Variants in ZHX2 observed in about 807,000 individuals in gnomAD.
The protein encoded by ZHX2 is zinc fingers and homeoboxes protein 2.
Under a neutral mutation model 21.9 loss-of-function variants are expected in ZHX2, and 6 were observed. The observed-to-expected ratio is 0.27, with a 90% CI of 0.15 to 0.54. The LOEUF (loss-of-function observed/expected upper bound fraction) is 0.54, where lower values mean the gene tolerates loss of function less well. Among genes scored for constraint, ZHX2 ranks in the 20% least tolerant of loss-of-function variants. ZHX2 has a pLI of 0.95. For synonymous variants in ZHX2, 434 were observed against 437.1 expected (o/e 0.99, Z 0.09); for missense variants, 908 against 1,090.7 (o/e 0.83, Z 2.36).
chr8:122,805,633 A>G (rs1817807258), intron 1 of ZHX2, among the ~76,000 whole-genome samples: 1 of 151,916 alleles, frequency 6.6e-6, no homozygotes, highest in Non-Finnish European at 1.5e-5. Context: ...TAAAAGTTCA[A>G]AATGAAACAT....
At position 122,819,982 on chromosome 8, in the gene ZHX2, G is replaced by A. The variant is rs530920017; in HGVS notation, c.-283+38036G>A. On this transcript the variant is annotated intron_variant, in intron 1 of 3. Transcript: ENST00000314393. Reference sequence around the variant, plus strand: ...CCCTCCCATCTGCCTAGCTAAAGGCGTCCATAAATCCAGCTTTCAGAGCTC... The same window carrying A: ...CCCTCCCATCTGCCTAGCTAAAGGCATCCATAAATCCAGCTTTCAGAGCTC... Among the ~76,000 whole-genome samples, 35 of 151,954 alleles carry A rather than the reference G, an allele frequency of 2.3e-4. No individual in the cohort carries two copies. In the South Asian group the frequency reaches 4.2e-3, roughly 18 times the overall value.
At chr8:122,949,703 A>G (rs190346172) in intron 2 of ZHX2, among the ~76,000 whole-genome samples, 2 of 152,180 alleles carry the variant, frequency 1.3e-5, no homozygotes, top group Non-Finnish European at 2.9e-5. Flanking sequence ...TGTCTCTACT[A>G]AAAATAAAAA....
At chr8:122,869,789 T>C (rs1325972552) in intron 2 of ZHX2, among the ~76,000 whole-genome samples, 2 of 152,234 alleles carry the variant, frequency 1.3e-5, no homozygotes, top group African/African-American at 2.4e-5. Flanking sequence ...GCTAGTTCTG[T>C]GATTCTGGAT....
intron 2 of ZHX2, among the ~76,000 whole-genome samples, chr8:122,879,876 G>T (rs990512343): frequency 1.3e-5 from 2 of 151,960 alleles, no homozygotes; most frequent in African/African-American, 2.4e-5. Flanking sequence ...TAAATTTAAG[G>T]ACTAGGATTC....
At chr8:122,785,460 G>C (rs1294567847) in intron 1 of ZHX2, among the ~76,000 whole-genome samples, 1 of 152,174 alleles carries the variant, frequency 6.6e-6, no homozygotes, top group Non-Finnish European at 1.5e-5. Flanking sequence ...CCTCAGGTTT[G>C]CATTCCAAGA....
chr8:122,873,442 C>A (rs1289015857), intron 2 of ZHX2, among the ~76,000 whole-genome samples: 1 of 152,180 alleles, frequency 6.6e-6, no homozygotes, highest in African/African-American at 2.4e-5. Flanking sequence ...CCCTGCAGCC[C>A]CTGAGCTGGT....
Position 122,951,472 on chromosome 8 carries a change from C to G in ZHX2, c.-39C>G. On this transcript the variant is annotated 5_prime_UTR_variant, in exon 3 of 4. The change creates a new upstream start codon in the 5' untranslated region. Transcript: ENST00000314393. The stretch of plus-strand genomic sequence containing the variant: ...AAGAATCTCACCGCCCCCTCCTTAT[C>G]CCCCTCCAAAAATAAGCCATTGCAC... 1 of 1,544,606 alleles carries G rather than the reference C, an allele frequency of 6.5e-7. No homozygotes were observed. The highest frequency in any genetic ancestry group is 8.8e-7 in the Non-Finnish European group (1 of 1,130,658).
At chr8:122,870,662 AAAAAGAAAG>A (rs1819411356) in intron 2 of ZHX2, among the ~76,000 whole-genome samples, 1 of 127,554 alleles carries the variant, frequency 7.8e-6, no homozygotes, top group Admixed American at 7.7e-5. Flanking sequence ...AAAAAAAAAA[AAAAAGAAAG>A]AGAAAGATGA....
chr8:122,804,254 G>A (rs1315503594), intron 1 of ZHX2, among the ~76,000 whole-genome samples: 10 of 152,096 alleles, frequency 6.6e-5, no homozygotes, highest in African/African-American at 9.7e-5. Context: ...GACCACAGGC[G>A]TGCACCACTG....
At chr8:122,935,457 G>C (rs1812660123) in intron 2 of ZHX2, among the ~76,000 whole-genome samples, 1 of 152,024 alleles carries the variant, frequency 6.6e-6, no homozygotes, top group Admixed American at 6.6e-5. Context: ...AGTGTGTCAA[G>C]GCTGTTCCTC....
chr8:122,866,989 ATTTT>A (rs11339473), intron 2 of ZHX2, among the ~76,000 whole-genome samples: 24 of 143,532 alleles, frequency 1.7e-4, no homozygotes, highest in African/African-American at 5.7e-4. Context: ...CATGCCAGCT[ATTTT>A]TTTTTTTTTT....
intron 1 of ZHX2, among the ~76,000 whole-genome samples, chr8:122,800,992 T>C (rs1817709338): frequency 6.6e-6 from 1 of 152,198 alleles, no homozygotes; most frequent in Non-Finnish European, 1.5e-5. Flanking sequence ...TGCTTGACAG[T>C]GTATAGGTGT....
In ZHX2 at chr8:122,952,872, C is replaced by T. The variant is rs753109440; in HGVS notation, c.1362C>T (p.Leu454=). The T allele has an allele frequency of 6.2e-7, 1 of 1,614,190 alleles. No individual in the cohort carries two copies. The highest frequency in any genetic ancestry group is 8.5e-7 in the Non-Finnish European group (1 of 1,180,050). ...RKKTKEQIAH[L]KASFLQSQFP... ...AGACAAAGGAGCAGATAGCACATCT[C>T]AAGGCCAGCTTTCTCCAGAGCCAGT... The change falls in exon 3 of 4, where the codon CTC becomes CTT. Residue 454 remains leucine, a synonymous_variant. Coordinates refer to ENST00000314393, the MANE Select transcript of ZHX2 (RefSeq NM_014943.5). This position sits in a 1 kb window ranked among gnomAD's most constrained non-coding sequence, Gnocchi z 6.9.
At chr8:122,846,128 A>T (rs1400984017) in intron 1 of ZHX2, among the ~76,000 whole-genome samples, 1 of 152,094 alleles carries the variant, frequency 6.6e-6, no homozygotes, top group Non-Finnish European at 1.5e-5. Flanking sequence ...TGAGGATTGG[A>T]TGTAGATGTT....
chr8:122,849,654 T>C (rs891530077), intron 1 of ZHX2, among the ~76,000 whole-genome samples: 2 of 152,206 alleles, frequency 1.3e-5, no homozygotes, highest in Non-Finnish European at 2.9e-5. Context: ...CACTTGCCAT[T>C]GGATTTAGGG....
intron 1 of ZHX2, among the ~76,000 whole-genome samples, chr8:122,831,052 G>A (rs1036728896): frequency 2.0e-5 from 3 of 152,158 alleles, no homozygotes; most frequent in Non-Finnish European, 2.9e-5. Flanking sequence ...AGGCGGGCCC[G>A]TTACCAGAGT....
At chr8:122,835,087 C>T (rs576217721) in intron 1 of ZHX2, among the ~76,000 whole-genome samples, 13 of 152,216 alleles carry the variant, frequency 8.5e-5, no homozygotes, top group African/African-American at 3.1e-4. Context: ...AGAGGTCATG[C>T]CGGGTCAGTT....
intron 2 of ZHX2, among the ~76,000 whole-genome samples, chr8:122,933,529 G>A (rs536567752): frequency 6.6e-6 from 1 of 152,056 alleles, no homozygotes; most frequent in Non-Finnish European, 1.5e-5. Flanking sequence ...GTACATGGTG[G>A]CAGCTGTTAC....
At chr8:122,836,441 G>A (rs1027035289) in intron 1 of ZHX2, among the ~76,000 whole-genome samples, 11 of 152,246 alleles carry the variant, frequency 7.2e-5, no homozygotes, top group African/African-American at 1.9e-4. Context: ...GCCCCTCCCC[G>A]GTTTTGGCAC....
Sources: gnomAD v4.1 joint callset for allele counts (sites outside exome capture counted in the v4.1 genomes callset) on GRCh38, gnomAD v4.1.1 for gene constraint, Gnocchi (gnomAD v3.1) non-coding constraint, MANE v1.5 for transcripts, NCBI Gene and HGNC (gene_info 2026-07-23, HGNC 2026-07-21) for gene names.